Variants in SLC22A4 observed in about 807,000 individuals in gnomAD.
The protein encoded by SLC22A4 is solute carrier family 22 member 4, also known as ET transporter.
SLC22A4 carries 39 observed loss-of-function variants against 56.6 expected under a neutral mutation model. The observed-to-expected ratio is 0.69, with a 90% confidence interval of 0.53 to 0.90. The LOEUF (loss-of-function observed/expected upper bound fraction) is 0.90. SLC22A4 is among the 40% of genes least tolerant of loss of function. SLC22A4 has a pLI of 0.00. For synonymous variants in SLC22A4, 241 were observed against 281.4 expected, an observed-to-expected ratio of 0.86 and a Z score of 1.44; for missense variants, 594 against 696.5, an observed-to-expected ratio of 0.85 and a Z score of 1.66.
chr5:132,334,500 C>T (rs955907038), intron 6 of SLC22A4, among the ~76,000 whole-genome samples: 5 of 152,166 alleles, frequency 3.3e-5, no homozygotes, highest in Non-Finnish European at 5.9e-5. Context: ...AATATAGTAG[C>T]CACTAGCTAC....
intron 1 of SLC22A4, among the ~76,000 whole-genome samples, chr5:132,296,901 C>T (rs995464942): frequency 3.4e-4 from 52 of 152,200 alleles, no homozygotes; most frequent in Non-Finnish European, 4.3e-4. Context: ...TCATGTTGTA[C>T]GCTGTTCACA....
At position 132,343,787 on chromosome 5, in the gene SLC22A4, C is replaced by T. The variant is rs748994718; in HGVS notation, c.1608C>T (p.Asp536=). ...TCAGATCTGGGAAAAAAACAAGAGA[C>T]TCAATGGAGACAGAAGAAAATCCCA... ...KWFRSGKKTR[D]SMETEENPKV... is the part of the protein sequence containing the mutation. Residue 536 remains aspartate, a synonymous_variant, in exon 10 of 10, where the codon GAC becomes GAT. Transcript: ENST00000200652. The T allele has an allele frequency of 6.2e-7, 1 of 1,608,370 alleles. No homozygotes were observed. Among genetic ancestry groups the T allele is most frequent in the Non-Finnish European group, 8.5e-7 (1 of 1,175,114 alleles).
chr5:132,332,459 A>G (rs1750890420), intron 6 of SLC22A4: 1 of 155,136 alleles, frequency 6.4e-6, no homozygotes, highest in Non-Finnish European at 1.4e-5. Context: ...AAATTATGAG[A>G]TTAAGACTAA....
chr5:132,339,889 A>T (rs925035771), intron 8 of SLC22A4, among the ~76,000 whole-genome samples: 65 of 152,256 alleles, frequency 4.3e-4, no homozygotes, highest in African/African-American at 1.6e-3. Flanking sequence ...GCAAAGCAAG[A>T]TGAGGATCTG....
intron 6 of SLC22A4, among the ~76,000 whole-genome samples, chr5:132,332,529 C>G (rs1249309319): frequency 6.6e-6 from 1 of 152,058 alleles, no homozygotes; most frequent in Non-Finnish European, 1.5e-5. Flanking sequence ...TGAAGCTGAC[C>G]TGGCAATTGA....
At position 132,335,994 on chromosome 5, in the gene SLC22A4, T is replaced by C; in HGVS notation, c.1438T>C (p.Tyr480His). The C allele has an allele frequency of 6.2e-7, 1 of 1,613,946 alleles. No individual in the cohort carries two copies. The highest frequency in any genetic ancestry group is 8.5e-7 in the Non-Finnish European group (1 of 1,179,786). The part of the protein sequence containing the change: ...VGSIIAPYFV[Y>H]LGAYNRMLPY... ...CAGCATCATTGCCCCCTACTTTGTT[T>C]ACCTCGGTGAGCTGCATCTTGTGCA... The change falls in exon 8 of 10, where the codon TAC (tyrosine) becomes CAC (histidine). Residue 480 changes from tyrosine to histidine, a missense_variant. Transcript: ENST00000200652.
intron 1 of SLC22A4, 30 bp from the exon 2 acceptor site, chr5:132,312,131 G>C: frequency 7.2e-7 from 1 of 1,388,516 alleles, no homozygotes; most frequent in South Asian, 1.2e-5. Context: ...TCAGGGTTGG[G>C]CTCACGCTTC....
At chr5:132,338,102 A>G (rs1051649136) in intron 8 of SLC22A4, among the ~76,000 whole-genome samples, 9 of 152,110 alleles carry the variant, frequency 5.9e-5, no homozygotes, top group Admixed American at 1.3e-4. Flanking sequence ...GATAATTCAC[A>G]TAGGTTCTTT....
intron 1 of SLC22A4, among the ~76,000 whole-genome samples, chr5:132,305,331 A>G (rs1165008526): frequency 6.6e-6 from 1 of 152,202 alleles, no homozygotes; most frequent in Non-Finnish European, 1.5e-5. Flanking sequence ...TAGAATTACT[A>G]GGAGAGGAGA....
intron 4 of SLC22A4, among the ~76,000 whole-genome samples, chr5:132,322,821 G>C (rs572179144): frequency 1.3e-5 from 2 of 152,108 alleles, no homozygotes; most frequent in African/African-American, 4.8e-5. Context: ...GCTATGTCTC[G>C]AAGAGTGAGA....
In SLC22A4 at chr5:132,300,745, CTG is replaced by C. The variant is rs369475051; in HGVS notation, c.393+5740_393+5741del. Among the ~76,000 whole-genome samples the C allele has an allele frequency of 4.0e-3, 609 of 152,312 alleles. 3 individuals carry two copies. The highest frequency in any genetic ancestry group is 0.012 in the African/African-American group (483 of 41,562). On this transcript the variant is annotated intron_variant, in intron 1 of 9. Transcript: ENST00000200652. ...TCTCTGCAGTCAGGGCTAGAGGAGT[CTG>C]TGTTTACCCCTGCGGGAGGAGTGCC... is the stretch of plus-strand genomic sequence containing the variant.
At chr5:132,328,922 TATATATATAC>T (rs1750773269) in intron 5 of SLC22A4, among the ~76,000 whole-genome samples, 1 of 145,234 alleles carries the variant, frequency 6.9e-6, no homozygotes, top group African/African-American at 2.6e-5. Context: ...TATATATATA[TATATATATAC>T]ACACACACAC....
At chr5:132,326,687 T>C (rs1382060196) in intron 4 of SLC22A4, among the ~76,000 whole-genome samples, 5 of 152,228 alleles carry the variant, frequency 3.3e-5, no homozygotes, top group East Asian at 1.9e-4. Flanking sequence ...AAAGACAACA[T>C]TGGGGCTCAT....
chr5:132,339,297 T>C (rs1489378630), intron 8 of SLC22A4, among the ~76,000 whole-genome samples: 2 of 152,222 alleles, frequency 1.3e-5, no homozygotes. Context: ...AAGACAATTT[T>C]AGTTTTTATA....
intron 8 of SLC22A4, among the ~76,000 whole-genome samples, chr5:132,339,249 T>G (rs1751124864): frequency 2.6e-5 from 4 of 152,242 alleles, no homozygotes; most frequent in Non-Finnish European, 5.9e-5. Context: ...TTTCCTAGTT[T>G]ACCATTTGTA....
At chr5:132,340,208 C>CT (rs1437138495) in intron 8 of SLC22A4, among the ~76,000 whole-genome samples, 1 of 151,794 alleles carries the variant, frequency 6.6e-6, no homozygotes, top group Non-Finnish European at 1.5e-5. Context: ...GGTTAACCTC[C>CT]TTCTCCTTGA....
At chr5:132,338,900 C>T (rs1350703094) in intron 8 of SLC22A4, among the ~76,000 whole-genome samples, 2 of 152,174 alleles carry the variant, frequency 1.3e-5, no homozygotes, top group Non-Finnish European at 2.9e-5. Flanking sequence ...ACATCCTCCT[C>T]AGCTTATGAA....
chr5:132,311,982 C>T (rs1307963807), intron 1 of SLC22A4, 179 bp from the exon 2 acceptor site: 9 of 682,318 alleles, frequency 1.3e-5, no homozygotes, highest in African/African-American at 1.2e-4. Flanking sequence ...TCTCCCCAGT[C>T]CCGGCACAGG....
At chr5:132,295,231 A>T (rs951410115) in intron 1 of SLC22A4, 4 of 718,242 alleles carry the variant, frequency 5.6e-6, no homozygotes, top group Admixed American at 2.0e-5. Flanking sequence ...TGGAGAAAGG[A>T]GTTTGTCACC....
Sources: allele counts gnomAD v4.1 joint callset (sites outside exome capture counted in the v4.1 genomes callset), GRCh38; gene constraint gnomAD v4.1.1; transcripts MANE v1.5; gene names NCBI Gene and HGNC (gene_info 2026-07-23, HGNC 2026-07-21).